The following PLRG1 variants were observed in gnomAD, a reference collection of about 807,000 sequenced individuals.
PLRG1 encodes the protein pleiotropic regulator 1.
A neutral mutation model predicts 74.9 loss-of-function variants in PLRG1; 28 were observed. That is an observed-to-expected ratio of 0.37 (90% confidence interval 0.28 to 0.51). The LOEUF (loss-of-function observed/expected upper bound fraction) is 0.51. PLRG1 is among the 20% of genes least tolerant of loss of function. PLRG1 has a pLI of 0.91. For missense variants in PLRG1, 445 were observed against 631.9 expected, an observed-to-expected ratio of 0.70 and a Z score of 3.17; for synonymous variants, 197 against 212.4, an observed-to-expected ratio of 0.93 and a Z score of 0.63.
Position 154,540,935 on chromosome 4 carries a change from C to T in PLRG1, c.688-1G>A, listed in dbSNP as rs1471614895. The T allele has an allele frequency of 1.9e-6, 3 of 1,581,480 alleles. No homozygotes were observed. The highest frequency in any genetic ancestry group is 1.7e-6 in the Non-Finnish European group (2 of 1,167,930). ...ATTTGCCACTAGCCAAGTCCCAGAT[C>T]TGCAATCAAAGAATATTTATTTTTT... On this transcript the variant is annotated splice_acceptor_variant, in intron 8 of 14. Coordinates refer to ENST00000499023, the MANE Select transcript of PLRG1 (RefSeq NM_002669.4). LOFTEE classifies it high-confidence loss of function.
At chr4:154,538,958 T>C in intron 12 of PLRG1, 147 bp downstream of exon 12, 1 of 576,004 alleles carries the variant, frequency 1.7e-6, no homozygotes, top group Admixed American at 2.9e-5. Context: ...ATGAGGAAAA[T>C]AAAAGAAACA....
chr4:154,537,248 A>G, intron 14 of PLRG1, 38 bp downstream of exon 14: 3 of 1,336,304 alleles, frequency 2.2e-6, no homozygotes, highest in Non-Finnish European at 3.2e-6. Context: ...AAATTGGTAT[A>G]GCTGTTTTAC....
In PLRG1 at chr4:154,540,693, A is replaced by G. The variant is rs1308940524; in HGVS notation, c.840T>C (p.Val280=). The G allele has an allele frequency of 6.2e-7, 1 of 1,612,786 alleles. No homozygotes were observed. The highest frequency in any genetic ancestry group is 8.5e-7 in the Non-Finnish European group (1 of 1,178,774). Reference sequence around the variant, plus strand: ...TTAAATGTCCATGATAATGCCGTATAACCTAAAGACAAAGCAGGAAAGTTA... The same window carrying G: ...TTAAATGTCCATGATAATGCCGTATGACCTAAAGACAAAGCAGGAAAGTTA... ...VKCWDLEYNK[V]IRHYHGHLSA... The change falls in exon 10 of 15, where the codon GTT becomes GTC. Residue 280 remains valine (V), a splice_region_variant and synonymous_variant. Transcript: ENST00000499023.
intron 7 of PLRG1, among the ~76,000 whole-genome samples, chr4:154,544,240 T>A (rs1369998470): frequency 6.6e-6 from 1 of 152,214 alleles, no homozygotes; most frequent in South Asian, 2.1e-4. Context: ...TCATACTATT[T>A]TATATAAAAG....
Position 154,540,585 on chromosome 4 carries a change from C to A in PLRG1, c.939+9G>T, listed in dbSNP as rs749647064. ...TTTACAGATAAATACACAACTCTAT[C>A]CCATTTACCCGTGCAGTTGAATCTC... On this transcript the variant is annotated intron_variant, in intron 10 of 14. Transcript: ENST00000499023. The A allele has an allele frequency of 3.2e-6, 5 of 1,575,864 alleles. No individual in the cohort carries two copies. The South Asian group carries it at 4.4e-5, about 14-fold the overall frequency.
At chr4:154,537,502 C>T (rs778804531) in intron 13 of PLRG1, 23 bp from the exon 14 acceptor site, 2 of 1,561,168 alleles carry the variant, frequency 1.3e-6, no homozygotes, top group African/African-American at 1.4e-5. Flanking sequence ...AATCTAGTTA[C>T]ACCTGGTATC....
intron 7 of PLRG1, chr4:154,544,028 A>C (rs1477851752): frequency 1.2e-5 from 2 of 163,800 alleles, no homozygotes; most frequent in African/African-American, 4.8e-5. Flanking sequence ...TGTGCTGCTG[A>C]AGTTAGCATG....
At chr4:154,537,645 G>C (rs928897504) in intron 13 of PLRG1, 166 bp from the exon 14 acceptor site, 1 of 552,186 alleles carries the variant, frequency 1.8e-6, no homozygotes, top group Non-Finnish European at 3.2e-6. Flanking sequence ...CTTTCATTTG[G>C]GCTGGGTTCA....
At position 154,547,102 on chromosome 4, in the gene PLRG1, A is replaced by G. The variant is rs763207820; in HGVS notation, c.260-38T>C. The G allele has an allele frequency of 4.5e-5, 64 of 1,427,118 alleles. 1 individual carries two copies. Among genetic ancestry groups the G allele is most frequent in the Non-Finnish European group, 5.9e-5 (60 of 1,009,674 alleles). The allele number at this position is 1,427,118 out of a possible 1,614,324, so 88.4% of individuals were successfully genotyped here. A position where few individuals can be genotyped will look rare whatever the true frequency, so the allele number is the denominator to read the frequency against. Reference sequence around the variant, plus strand: ...AAAAAAAATCAACAGTAGTGAATTTACCTTATACAAAAGTTATCATCTCTT... The same window carrying G: ...AAAAAAAATCAACAGTAGTGAATTTGCCTTATACAAAAGTTATCATCTCTT... On this transcript the variant is annotated intron_variant, in intron 3 of 14. Transcript: ENST00000499023.
chr4:154,540,360 T>G (rs897443230), intron 10 of PLRG1: 1 of 584,686 alleles, frequency 1.7e-6, no homozygotes, highest in Middle Eastern at 4.5e-4. Context: ...GAATGGAACG[T>G]GAGAATATCA....
At chr4:154,538,886 T>C (rs750470845) in intron 12 of PLRG1, 1 of 479,746 alleles carries the variant, frequency 2.1e-6, no homozygotes, top group Middle Eastern at 5.4e-4. Flanking sequence ...TTTGACATTA[T>C]TTATTTGTTA....
intron 3 of PLRG1, 130 bp downstream of exon 3, chr4:154,547,581 T>A: frequency 1.3e-6 from 1 of 756,472 alleles, no homozygotes; most frequent in Non-Finnish European, 2.2e-6. Context: ...TCCATTATAA[T>A]ACAGGTACGG....
intron 6 of PLRG1, 24 bp downstream of exon 6, chr4:154,545,812 G>A (rs1310213302): frequency 1.4e-6 from 2 of 1,411,806 alleles, no homozygotes; most frequent in South Asian, 2.4e-5. Context: ...TTAGAAACCT[G>A]CTATTTGATG....
rs753689123 is a variant in PLRG1, at chr4:154,535,594, ATAAC to A, written c.*1087_*1090del. On this transcript the variant is annotated 3_prime_UTR_variant, in exon 15 of 15. Coordinates refer to ENST00000499023, the MANE Select transcript of PLRG1 (RefSeq NM_002669.4). ...AAAATTTAAAAAATTGACTGTTCTT[ATAAC>A]TGTGTTTTCTAATTATAGAAGGTGA... 2 of 151,604 alleles carry A rather than the reference ATAAC, an allele frequency of 1.3e-5. No individual in the cohort carries two copies. Among genetic ancestry groups the A allele is most frequent in the African/African-American group, 2.4e-5 (1 of 41,270 alleles). The allele number at this position is 151,604 out of a possible 1,614,324, so 9.4% of individuals were successfully genotyped here.
At chr4:154,542,447 C>A (rs1403312407) in intron 7 of PLRG1, among the ~76,000 whole-genome samples, 168 bp from the exon 8 acceptor site, 1 of 152,160 alleles carries the variant, frequency 6.6e-6, no homozygotes, top group Non-Finnish European at 1.5e-5. Flanking sequence ...ATAGTTAACA[C>A]AAATTGTGGC....
chr4:154,538,552 G>C (rs1337890809), intron 12 of PLRG1, among the ~76,000 whole-genome samples: 2 of 151,798 alleles, frequency 1.3e-5, no homozygotes, highest in Non-Finnish European at 2.9e-5. Flanking sequence ...GCAAAGGAAG[G>C]AAGAAGAGAG....
At chr4:154,546,007 T>G in intron 5 of PLRG1, 84 bp from the exon 6 acceptor site, 2 of 1,110,610 alleles carry the variant, frequency 1.8e-6, no homozygotes, top group Non-Finnish European at 2.6e-6. Context: ...TTTTAAATTG[T>G]TATAAAGTCC....
intron 6 of PLRG1, among the ~76,000 whole-genome samples, chr4:154,545,381 A>C (rs1044935288): frequency 6.6e-6 from 1 of 152,200 alleles, no homozygotes; most frequent in Non-Finnish European, 1.5e-5. Flanking sequence ...TACCATACTA[A>C]TACCAGTTGC....
intron 8 of PLRG1, 83 bp from the exon 9 acceptor site, chr4:154,541,017 T>C (rs1294365905): frequency 2.9e-6 from 3 of 1,027,040 alleles, no homozygotes; most frequent in Non-Finnish European, 4.1e-6. Context: ...AAAACTGAGC[T>C]TTCAAAGACA....
Sources: allele counts gnomAD v4.1 joint callset (sites outside exome capture counted in the v4.1 genomes callset), GRCh38; gene constraint gnomAD v4.1.1; transcripts MANE v1.5; gene names NCBI Gene and HGNC (gene_info 2026-07-23, HGNC 2026-07-21).